Variants in AGO1 observed in about 807,000 individuals in gnomAD.
The protein encoded by AGO1 is protein argonaute-1.
AGO1 carries 11 observed loss-of-function variants against 109.2 expected under a neutral mutation model. The ratio of observed to expected loss-of-function variants is 0.10; its 90% CI spans 0.06 to 0.17. The LOEUF (loss-of-function observed/expected upper bound fraction) is 0.17. Among genes scored for constraint, AGO1 ranks in the 10% least tolerant of loss-of-function variants. The pLI, the probability that AGO1 is intolerant of heterozygous loss-of-function variation, is 1.00. For synonymous variants in AGO1, 422 were observed against 418.6 expected (o/e 1.01, Z -0.10); for missense variants, 574 against 1,140.3 (o/e 0.50, Z 7.15).
intron 1 of AGO1, among the ~76,000 whole-genome samples, chr1:35,875,573 A>C (rs1557597672): frequency 6.6e-6 from 1 of 152,010 alleles, no homozygotes; most frequent in Non-Finnish European, 1.5e-5. Flanking sequence ...GCCATCATGC[A>C]TGGTTAATTT....
intron 7 of AGO1, 74 bp downstream of exon 7, chr1:35,894,476 C>T (rs1412271233): frequency 1.4e-6 from 2 of 1,424,554 alleles, no homozygotes; most frequent in East Asian, 2.4e-5. Context: ...CTTTCCCTCC[C>T]TCCCTCCCCC....
chr1:35,886,235 G>A (rs1379175498), intron 1 of AGO1, among the ~76,000 whole-genome samples: 1 of 152,134 alleles, frequency 6.6e-6, no homozygotes, highest in Non-Finnish European at 1.5e-5. Context: ...GCATCACAAA[G>A]TGGCCGTCTG....
rs1645807739 is a variant in AGO1 at position 35,920,260 on chromosome 1, G to A, written c.*653G>A. On this transcript the variant is annotated 3_prime_UTR_variant, in exon 19 of 19. Coordinates refer to ENST00000373204, the MANE Select transcript of AGO1 (RefSeq NM_012199.5). ...TTATTCCTCTCTGTCCACATTTTCT[G>A]CCCCACCTTACTTCTCCTCCCTGAC... is the stretch of plus-strand genomic sequence containing the variant. 6.6e-6 allele frequency: 1 copy of A among 151,952 alleles called. No individual in the cohort carries two copies. The highest frequency in any genetic ancestry group is 1.5e-5 in the Non-Finnish European group (1 of 67,990). 9.4% of individuals were successfully genotyped at this position (151,952 alleles called of 1,614,324 possible). A position where few individuals can be genotyped will look rare whatever the true frequency, so the allele number is the denominator to read the frequency against.
At chr1:35,915,686 G>T in intron 15 of AGO1, 144 bp downstream of exon 15, 1 of 734,720 alleles carries the variant, frequency 1.4e-6, no homozygotes, top group Non-Finnish European at 2.2e-6. Flanking sequence ...GGCAAGGATC[G>T]CAACTGAGGG....
intron 11 of AGO1, 89 bp downstream of exon 11, chr1:35,902,426 AG>A: frequency 6.6e-7 from 1 of 1,510,272 alleles, no homozygotes; most frequent in Non-Finnish European, 8.9e-7. Flanking sequence ...GATATTGATC[AG>A]TAATGTGTTC....
At chr1:35,916,021 C>T (rs11263835) in intron 15 of AGO1, among the ~76,000 whole-genome samples, 13,291 of 149,828 alleles carry the variant, frequency 0.089, 2,014 homozygotes, top group East Asian at 0.68. Flanking sequence ...TTCTCACTGC[C>T]AGCCTTCATT....
rs1343816827 is a variant in AGO1, at chr1:35,901,508, A to G, written c.1055A>G (p.Lys352Arg). 6.2e-7 allele frequency: 1 copy of G among 1,614,122 alleles called. No homozygotes were observed. Among genetic ancestry groups the G allele is most frequent in the East Asian group, 2.2e-5 (1 of 44,872 alleles). ...ATTGTGGCTGGGCAGCGCTGTATTAAAAAGCTGACCGACAACCAGACCTCG... is the reference window on the plus strand; with the variant it reads ...ATTGTGGCTGGGCAGCGCTGTATTAGAAAGCTGACCGACAACCAGACCTCG... ...CNIVAGQRCIKKLTDNQTSTM... is the reference protein window; with the variant it reads ...CNIVAGQRCIRKLTDNQTSTM... Residue 352 changes from lysine (K) to arginine (R), a missense_variant, in exon 9 of 19, where the codon AAA (lysine) becomes AGA (arginine). This residue lies in a region of AGO1 where 42 missense variants were observed against 142.4 expected (regional missense o/e 0.29). Transcript: ENST00000373204. This position sits in a 1 kb window ranked among gnomAD's most constrained non-coding sequence, Gnocchi z 4.8.
At chr1:35,906,481 T>C (rs1306760787) in intron 11 of AGO1, among the ~76,000 whole-genome samples, 1 of 152,212 alleles carries the variant, frequency 6.6e-6, no homozygotes, top group East Asian at 1.9e-4. Flanking sequence ...ACATATTTTT[T>C]ACATTAGCTA....
At chr1:35,877,150 C>T (rs753493521) in intron 1 of AGO1, among the ~76,000 whole-genome samples, 20 of 152,108 alleles carry the variant, frequency 1.3e-4, no homozygotes, top group Non-Finnish European at 2.5e-4. Flanking sequence ...GAAACTGAAC[C>T]GTGAATCTGC....
chr1:35,919,439 G>A lies in AGO1; in HGVS notation c.2466-60G>A. ...GAATTGGCATCCCAGGGCTGGGCGA[G>A]GGAATTAGCAGCAGCTCTCAGTTCA... On this transcript the variant is annotated intron_variant, in intron 18 of 18. Transcript: ENST00000373204. This position sits in a 1 kb window ranked among gnomAD's most constrained non-coding sequence, Gnocchi z 6.6. The A allele has an allele frequency of 6.5e-7, 1 of 1,536,246 alleles. No homozygotes were observed. Among genetic ancestry groups the A allele is most frequent in the Middle Eastern group, 1.7e-4 (1 of 5,918 alleles).
rs894522255 is a variant in AGO1 at position 35,923,405 on chromosome 1, T to C, written c.*3798T>C. The C allele has an allele frequency of 6.6e-6, 1 of 152,476 alleles. No homozygotes were observed. 9.4% of individuals were successfully genotyped at this position (152,476 alleles called of 1,614,324 possible). A position where few individuals can be genotyped will look rare whatever the true frequency, so the allele number is the denominator to read the frequency against. ...TGGGACAGTTTTGGACCTGGAATCA[T>C]GTGTAACTAACAAGGTTGGACGTTT... On this transcript the variant is annotated 3_prime_UTR_variant, in exon 19 of 19. Coordinates refer to ENST00000373204, the MANE Select transcript of AGO1 (RefSeq NM_012199.5).
At position 35,901,068 on chromosome 1, in the gene AGO1, G is replaced by A. The variant is rs190108141; in HGVS notation, c.1021-406G>A. 1.3e-5 allele frequency among the ~76,000 whole-genome samples: 2 copies of A among 148,488 alleles called. No homozygotes were observed. Among genetic ancestry groups the A allele is most frequent in the East Asian group, 4.1e-4 (2 of 4,918 alleles). ...GTGATCTGGGCTCACTGCAACCTCC[G>A]CCTCCCGGTTCAAGCGATTCTTGTT... is the stretch of plus-strand genomic sequence containing the variant. On this transcript the variant is annotated intron_variant, in intron 8 of 18. Transcript: ENST00000373204. The surrounding 1 kb of genome is among the most constrained non-coding windows in gnomAD (Gnocchi z 4.8).
intron 17 of AGO1, 146 bp from the exon 18 acceptor site, chr1:35,918,909 A>G (rs1156581172): frequency 1.4e-6 from 1 of 737,828 alleles, no homozygotes; most frequent in Non-Finnish European, 2.3e-6. Flanking sequence ...TTATAAGAAG[A>G]GTGCTTTATG....
At chr1:35,892,746 T>G in intron 3 of AGO1, 69 bp downstream of exon 3, 1 of 1,601,208 alleles carries the variant, frequency 6.2e-7, no homozygotes, top group African/African-American at 1.3e-5. Context: ...GTAAGCCTCT[T>G]TGGAGATCCA....
chr1:35,885,902 A>G (rs761096623), intron 1 of AGO1, among the ~76,000 whole-genome samples: 7 of 152,270 alleles, frequency 4.6e-5, no homozygotes, highest in Non-Finnish European at 8.8e-5. Flanking sequence ...GTATACTCAC[A>G]TGGAACAGAT....
intron 7 of AGO1, 139 bp from the exon 8 acceptor site, chr1:35,894,983 G>C: frequency 1.9e-6 from 2 of 1,041,170 alleles, no homozygotes; most frequent in Non-Finnish European, 2.7e-6. Flanking sequence ...ATGAAGCAAA[G>C]TCTGGGACTT....
At chr1:35,913,040 T>C (rs1299771531) in intron 12 of AGO1, among the ~76,000 whole-genome samples, 1 of 151,138 alleles carries the variant, frequency 6.6e-6, no homozygotes, top group African/African-American at 2.4e-5. Flanking sequence ...TTCTTCTGGA[T>C]ATGGAGTCTC....
chr1:35,873,243 C>CT (rs976835279), intron 1 of AGO1: 12 of 151,054 alleles, frequency 7.9e-5, no homozygotes, highest in East Asian at 1.9e-4. Flanking sequence ...GAATCTCTCT[C>CT]TTTTTTTTTG....
At chr1:35,876,361 G>C (rs1366069260) in intron 1 of AGO1, among the ~76,000 whole-genome samples, 1 of 151,786 alleles carries the variant, frequency 6.6e-6, no homozygotes, top group Non-Finnish European at 1.5e-5. Flanking sequence ...CCGCCTACTG[G>C]GTTCACACCA....
Sources: gnomAD v4.1 joint callset for allele counts (sites outside exome capture counted in the v4.1 genomes callset) on GRCh38, gnomAD v4.1.1 for gene constraint, gnomAD v4.1.1 regional missense constraint, Gnocchi (gnomAD v3.1) non-coding constraint, MANE v1.5 for transcripts, NCBI Gene and HGNC (gene_info 2026-07-23, HGNC 2026-07-21) for gene names.